Variants in PRSS12 observed in about 807,000 individuals in gnomAD.
PRSS12 encodes the protein serine protease 12, also known as neurotrypsin.
PRSS12 carries 85 observed loss-of-function variants against 104.4 expected under a neutral mutation model. The ratio of observed to expected loss-of-function variants is 0.81; its 90% confidence interval spans 0.68 to 0.98. PRSS12 has a LOEUF of 0.98. PRSS12 is among the 50% of genes least tolerant of loss of function. PRSS12 has a pLI of 0.00. For missense variants in PRSS12, 1,141 were observed against 1,139.2 expected (o/e 1.00, Z -0.02); for synonymous variants, 454 against 425.2 (o/e 1.07, Z -0.83).
chr4:118,315,191 T>C (rs1206737520), intron 6 of PRSS12, among the ~76,000 whole-genome samples: 2 of 152,088 alleles, frequency 1.3e-5, no homozygotes, highest in Non-Finnish European at 2.9e-5. Flanking sequence ...ATTGTTTTCA[T>C]TAAAAATTGT....
At chr4:118,293,294 G>A (rs995043094) in intron 11 of PRSS12, among the ~76,000 whole-genome samples, 3 of 151,698 alleles carry the variant, frequency 2.0e-5, no homozygotes, top group Admixed American at 1.3e-4. Flanking sequence ...AAAATAAACT[G>A]GAAAAATTAA....
rs576026346 is a variant in PRSS12, at chr4:118,293,508, A to G, written c.2039+1431T>C. On this transcript the variant is annotated intron_variant, in intron 11 of 12. Coordinates refer to ENST00000296498, the MANE Select transcript of PRSS12 (RefSeq NM_003619.4). ...AAACAAGTAAAAGGACAAGGTCCAG[A>G]CTAGGAAAAAGTACTTGTAACACCT... 2.6e-5 allele frequency among the ~76,000 whole-genome samples: 4 copies of G among 152,288 alleles called. No individual in the cohort carries two copies. In the South Asian group the frequency reaches 8.3e-4, roughly 32 times the overall value.
At chr4:118,297,805 A>G (rs1743288298) in intron 9 of PRSS12, among the ~76,000 whole-genome samples, 2 of 152,174 alleles carry the variant, frequency 1.3e-5, no homozygotes, top group South Asian at 4.1e-4. Flanking sequence ...AATTTCTCCA[A>G]AATAGCTCAT....
At chr4:118,332,155 G>C (rs1311907334) in intron 3 of PRSS12, among the ~76,000 whole-genome samples, 1 of 152,034 alleles carries the variant, frequency 6.6e-6, no homozygotes, top group Non-Finnish European at 1.5e-5. Flanking sequence ...CAAAAGCTGC[G>C]CATTACTGGA....
At chr4:118,338,666 T>C (rs181579792) in intron 1 of PRSS12, among the ~76,000 whole-genome samples, 159 of 152,312 alleles carry the variant, frequency 1.0e-3, no homozygotes, top group African/African-American at 3.5e-3. Flanking sequence ...ATATCAGATC[T>C]TGTATCTCAA....
intron 8 of PRSS12, among the ~76,000 whole-genome samples, chr4:118,307,877 A>C (rs1743597010): frequency 6.6e-6 from 1 of 152,110 alleles, no homozygotes; most frequent in Admixed American, 6.6e-5. Flanking sequence ...TGAAGTCATC[A>C]GCAAAGCAAG....
intron 11 of PRSS12, among the ~76,000 whole-genome samples, chr4:118,285,095 A>G (rs1742985620): frequency 6.6e-6 from 1 of 152,182 alleles, no homozygotes; most frequent in African/African-American, 2.4e-5. Flanking sequence ...CTCAAAAACT[A>G]AACAGTGCAA....
At chr4:118,302,671 C>G (rs958078713) in intron 8 of PRSS12, among the ~76,000 whole-genome samples, 10 of 152,202 alleles carry the variant, frequency 6.6e-5, no homozygotes, top group Admixed American at 6.5e-4. Context: ...GAGAGATCTG[C>G]CCGCCGCGGC....
At chr4:118,303,964 C>A (rs1015671797) in intron 8 of PRSS12, 1 of 151,852 alleles carries the variant, frequency 6.6e-6, no homozygotes, top group African/African-American at 2.4e-5. Flanking sequence ...ACCCATTGGT[C>A]TAATTAAGAA....
Position 118,313,394 on chromosome 4 carries a change from A to G in PRSS12, c.1296T>C (p.Tyr432=), listed in dbSNP as rs765865810. The G allele has an allele frequency of 8.1e-6, 13 of 1,613,974 alleles. No individual in the cohort carries two copies. Among genetic ancestry groups the G allele is most frequent in the Admixed American group, 3.3e-5 (2 of 60,010 alleles). ...AATGGTTGGCAGATGCTTGTTTACC[A>G]TATCTGTGACAATTGAATAAACACT... ...YVVCRQLGFK[Y]GKQASANHFE... Residue 432 remains tyrosine, a synonymous_variant, in exon 7 of 13, where the codon TAT becomes TAC. Coordinates refer to ENST00000296498, the MANE Select transcript of PRSS12 (RefSeq NM_003619.4).
chr4:118,313,447 A>C, intron 6 of PRSS12, 50 bp from the exon 7 acceptor site: 1 of 1,578,278 alleles, frequency 6.3e-7, no homozygotes, highest in Non-Finnish European at 8.7e-7. Context: ...CTCTTGGTTC[A>C]GGGAACCACA....
rs1272879233 is a variant in PRSS12, at chr4:118,352,172, G to C, written c.502+47C>G. On this transcript the variant is annotated intron_variant, in intron 1 of 12. Coordinates refer to ENST00000296498, the MANE Select transcript of PRSS12 (RefSeq NM_003619.4). ...TGTACGCCGGCCCCAAGCCTCACTGGCTCCGAGCCCGTCCGGAGTTTCCGC... is the reference window on the plus strand; with the variant it reads ...TGTACGCCGGCCCCAAGCCTCACTGCCTCCGAGCCCGTCCGGAGTTTCCGC... 5 of 1,605,710 alleles carry C rather than the reference G, an allele frequency of 3.1e-6. No individual in the cohort carries two copies. In the East Asian group the frequency reaches 9.0e-5, roughly 29 times the overall value.
intron 4 of PRSS12, among the ~76,000 whole-genome samples, chr4:118,328,984 G>A (rs141722607): frequency 0.046 from 7,068 of 152,102 alleles, 245 homozygotes; most frequent in South Asian, 0.14. Flanking sequence ...TGTAGAGACG[G>A]GGTTTCACCA....
At chr4:118,306,997 A>G (rs755443529) in intron 8 of PRSS12, among the ~76,000 whole-genome samples, 2 of 152,154 alleles carry the variant, frequency 1.3e-5, no homozygotes, top group African/African-American at 2.4e-5. Flanking sequence ...AGTCTCAAAG[A>G]GCAATATCTT....
intron 8 of PRSS12, among the ~76,000 whole-genome samples, chr4:118,305,134 CACAT>C (rs1743513248): frequency 2.7e-5 from 4 of 149,658 alleles, no homozygotes; most frequent in African/African-American, 9.7e-5. Flanking sequence ...CACACACACA[CACAT>C]ATATATATAT....
chr4:118,313,161 A>G (rs1743797893), intron 7 of PRSS12, 40 bp downstream of exon 7: 3 of 1,606,746 alleles, frequency 1.9e-6, no homozygotes, highest in Middle Eastern at 2.2e-4. Flanking sequence ...TGCAATGGCT[A>G]CTGAATGATG....
chr4:118,308,376 G>C (rs1743610896), intron 8 of PRSS12, 60 bp downstream of exon 8: 1 of 1,600,896 alleles, frequency 6.2e-7, no homozygotes, highest in Non-Finnish European at 8.5e-7. Context: ...ATTAGATTAA[G>C]CATTTAAAAA....
At chr4:118,346,612 CA>C (rs1185152000) in intron 1 of PRSS12, among the ~76,000 whole-genome samples, 1 of 152,042 alleles carries the variant, frequency 6.6e-6, no homozygotes, top group African/African-American at 2.4e-5. Flanking sequence ...TATCTTATCA[CA>C]GGGGGCCCCA....
At chr4:118,297,137 C>T (rs142180261) in intron 9 of PRSS12, among the ~76,000 whole-genome samples, 2,048 of 152,186 alleles carry the variant, frequency 0.013, 27 homozygotes, top group Admixed American at 0.022. Context: ...GTTTGAATCA[C>T]CTTATAGATG....
Sources: gnomAD v4.1 joint callset for allele counts (sites outside exome capture counted in the v4.1 genomes callset) on GRCh38, gnomAD v4.1.1 for gene constraint, MANE v1.5 for transcripts, NCBI Gene and HGNC (gene_info 2026-07-23, HGNC 2026-07-21) for gene names.